Variants in SLC39A13 observed in about 807,000 individuals in gnomAD.
SLC39A13 encodes the protein solute carrier family 39 member 13.
In SLC39A13, 18 loss-of-function variants were observed where a neutral mutation model predicts 38.7. That is an observed-to-expected ratio of 0.47 (90% CI 0.32 to 0.69). The LOEUF is 0.69. SLC39A13 is among the 30% of genes least tolerant of loss of function. The pLI, the probability that SLC39A13 is intolerant of heterozygous loss-of-function variation, is 0.03. For missense variants in SLC39A13, 395 were observed against 490.7 expected, an observed-to-expected ratio of 0.80 and a Z score of 1.84; for synonymous variants, 212 against 219.1, an observed-to-expected ratio of 0.97 and a Z score of 0.29.
In SLC39A13 at chr11:47,415,860, C is replaced by T. The variant is rs930264281; in HGVS notation, c.*497C>T. 1 of 238,022 alleles carries T rather than the reference C, an allele frequency of 4.2e-6. No homozygotes were observed. The allele number at this position is 238,022 out of a possible 1,614,324, so 14.7% of individuals were successfully genotyped here. On this transcript the variant is annotated 3_prime_UTR_variant, in exon 10 of 10. Transcript: ENST00000362021. ...TGGTCCCTTTTCCTGGCCCTTCCTT[C>T]CCCACTTCTAAGCCAAAGAAAGGAG...
chr11:47,409,213 G>A (rs945308889), intron 1 of SLC39A13: 3 of 152,330 alleles, frequency 2.0e-5, no homozygotes, highest in African/African-American at 7.2e-5. Flanking sequence ...CGAGTTTCCA[G>A]ATGGAACTTC....
At chr11:47,414,170 C>T (rs1419493452) in intron 6 of SLC39A13, 4 of 611,658 alleles carry the variant, frequency 6.5e-6, no homozygotes, top group African/African-American at 1.8e-5. Flanking sequence ...TGGGCCTGCT[C>T]CCCTGGGCAC....
intron 2 of SLC39A13, 134 bp from the exon 3 acceptor site, chr11:47,411,791 TG>T: frequency 3.7e-6 from 3 of 800,304 alleles, no homozygotes; most frequent in Non-Finnish European, 6.3e-6. Context: ...TGCTGTGAGG[TG>T]GGGGACCCAG....
At chr11:47,410,057 C>T (rs761272372) in intron 1 of SLC39A13, 30 bp from the exon 2 acceptor site, 1 of 1,611,004 alleles carries the variant, frequency 6.2e-7, no homozygotes, top group Non-Finnish European at 8.5e-7. Flanking sequence ...AAGGCTGTAG[C>T]TCATATAGGT....
intron 2 of SLC39A13, among the ~76,000 whole-genome samples, chr11:47,411,362 T>G (rs1208662089): frequency 1.3e-5 from 2 of 152,194 alleles, no homozygotes; most frequent in Non-Finnish European, 2.9e-5. Flanking sequence ...CTCAGCAGTT[T>G]GGGAGGCTGA....
In SLC39A13 at chr11:47,413,609, C is replaced by T. The variant is rs757057859; in HGVS notation, c.658C>T (p.Leu220Phe). The T allele has an allele frequency of 1.2e-6, 2 of 1,614,232 alleles. No individual in the cohort carries two copies. Among genetic ancestry groups the T allele is most frequent in the Non-Finnish European group, 1.7e-6 (2 of 1,180,036 alleles). ...CCCTCCTTCCCAGGTCAGCGGCTAC[C>T]TCAACCTGCTGGCCAACACCATCGA... ...VVRSIKVSGY[L>F]NLLANTIDNF... The change falls in exon 6 of 10, where the codon CTC (leucine) becomes TTC (phenylalanine). Residue 220 changes from leucine (L) to phenylalanine (F), a missense_variant. Transcript: ENST00000362021.
intron 4 of SLC39A13, 46 bp downstream of exon 4, chr11:47,412,513 T>C: frequency 6.2e-7 from 1 of 1,613,044 alleles, no homozygotes; most frequent in Non-Finnish European, 8.5e-7. Flanking sequence ...CTCTGTTCTG[T>C]GGTAGTGCCC....
At position 47,414,962 on chromosome 11, in the gene SLC39A13, C is replaced by A; in HGVS notation, c.919+53C>A. 3 of 1,605,544 alleles carry A rather than the reference C, an allele frequency of 1.9e-6. No individual in the cohort carries two copies. The East Asian group carries it at 6.7e-5, about 36-fold the overall frequency. The stretch of plus-strand genomic sequence containing the variant: ...GGTGGCATCAGCAGAGGGGCACCAG[C>A]CAAAGGGTGTGGCTACCGCACTGCT... On this transcript the variant is annotated intron_variant, in intron 8 of 9. Transcript: ENST00000362021.
chr11:47,413,353 A>G, intron 4 of SLC39A13, 47 bp from the exon 5 acceptor site: 1 of 1,576,232 alleles, frequency 6.3e-7, no homozygotes, highest in Non-Finnish European at 8.7e-7. Context: ...GCCCTGGCTG[A>G]GTGGGGGGCA....
At position 47,412,129 on chromosome 11, in the gene SLC39A13, G is replaced by A. The variant is rs1011409074; in HGVS notation, c.415+90G>A. On this transcript the variant is annotated intron_variant, in intron 3 of 9. Coordinates refer to ENST00000362021, the MANE Select transcript of SLC39A13 (RefSeq NM_001128225.3). ...GGGATGGCCAGGATGACCAGGAGAG[G>A]GATTCTGGGTTTCTGGCAGGAGCTT... The A allele has an allele frequency of 5.6e-6, 8 of 1,424,020 alleles. No homozygotes were observed. The African/African-American group carries it at 1.1e-4, about 20-fold the overall frequency. 88.2% of individuals were successfully genotyped at this position (1,424,020 alleles called of 1,614,324 possible). A position where few individuals can be genotyped will look rare whatever the true frequency, so the allele number is the denominator to read the frequency against.
rs914512778 is a variant in SLC39A13, at chr11:47,412,421, C to T, written c.491C>T (p.Ala164Val). 40 of 1,614,088 alleles carry T rather than the reference C, an allele frequency of 2.5e-5. No individual in the cohort carries two copies. In the Middle Eastern group the frequency reaches 4.9e-4, roughly 20 times the overall value. ...WVIAGILTFL[A>V]LEKMFLDSKE... ...ATTGCTGGCATCCTGACCTTCCTGG[C>T]GTTGGAGAAGATGTTCCTGGACAGC... The change falls in exon 4 of 10, where the codon GCG (alanine) becomes GTG (valine). Residue 164 changes from alanine (A) to valine (V), a missense_variant. Transcript: ENST00000362021.
In SLC39A13 at chr11:47,416,384, CAGA is replaced by C. The variant is rs1397841215; in HGVS notation, c.*1024_*1026del. The C allele has an allele frequency of 6.6e-6, 1 of 152,576 alleles. No homozygotes were observed. The highest frequency in any genetic ancestry group is 2.4e-5 in the African/African-American group (1 of 41,460). 9.5% of individuals were successfully genotyped at this position (152,576 alleles called of 1,614,324 possible). On this transcript the variant is annotated 3_prime_UTR_variant, in exon 10 of 10. Transcript: ENST00000362021. ...CCCTGCCCTTCACCGTGGATGTTTT[CAGA>C]AGTGGCCATCGAGAGGTCTGGATGG...
Position 47,415,097 on chromosome 11 carries a change from C to A in SLC39A13, c.978C>A (p.Gly326=). 1.2e-6 allele frequency: 2 copies of A among 1,612,930 alleles called. No homozygotes were observed. The highest frequency in any genetic ancestry group is 1.1e-5 in the South Asian group (1 of 90,916). Reference sequence around the variant, plus strand: ...CCTGGGTCCTGCCCTTCACCTCTGGCGGCTTTCTCTACATCGCCTTGGTGA... The same window carrying A: ...CCTGGGTCCTGCCCTTCACCTCTGGAGGCTTTCTCTACATCGCCTTGGTGA... ...TAAWVLPFTS[G]GFLYIALVNV... Residue 326 remains glycine (G), a synonymous_variant, in exon 9 of 10, where the codon GGC becomes GGA. Coordinates refer to ENST00000362021, the MANE Select transcript of SLC39A13 (RefSeq NM_001128225.3).
chr11:47,409,946 T>C, intron 1 of SLC39A13, 141 bp from the exon 2 acceptor site: 1 of 933,622 alleles, frequency 1.1e-6, no homozygotes, highest in Admixed American at 2.1e-5. Flanking sequence ...CACCCAGCAT[T>C]TGGATGCTCA....
At chr11:47,414,995 A>G in intron 8 of SLC39A13, 44 bp from the exon 9 acceptor site, 1 of 1,610,482 alleles carries the variant, frequency 6.2e-7, no homozygotes, top group Non-Finnish European at 8.5e-7. Flanking sequence ...GCTGGTCCCC[A>G]GGCCCGGGAG....
intron 1 of SLC39A13, among the ~76,000 whole-genome samples, chr11:47,409,438 G>A (rs1595876176): frequency 6.6e-6 from 1 of 152,202 alleles, no homozygotes; most frequent in Non-Finnish European, 1.5e-5. Context: ...CTCAGAGGGG[G>A]GGCTTCAGAG....
At position 47,410,475 on chromosome 11, in the gene SLC39A13, C is replaced by T. The variant is rs2095993289; in HGVS notation, c.301+80C>T. 6 of 1,540,458 alleles carry T rather than the reference C, an allele frequency of 3.9e-6. No individual in the cohort carries two copies. In the East Asian group the frequency reaches 1.4e-4, roughly 35 times the overall value. On this transcript the variant is annotated intron_variant, in intron 2 of 9. Transcript: ENST00000362021. The stretch of plus-strand genomic sequence containing the variant: ...CTGCTCTTCTTAGGAGACCCCAGGT[C>T]ACAGAGTGTCTGAGATGGAGGGAGA...
intron 1 of SLC39A13, chr11:47,409,525 G>C (rs549882777): frequency 2.0e-4 from 32 of 163,104 alleles, no homozygotes; most frequent in Admixed American, 4.1e-4. Flanking sequence ...CTATACAAGA[G>C]AGAGGCATCC....
In SLC39A13 at chr11:47,415,291, C is replaced by T; in HGVS notation, c.1044C>T (p.Arg348=). The T allele has an allele frequency of 6.2e-7, 1 of 1,614,024 alleles. No homozygotes were observed. Among genetic ancestry groups the T allele is most frequent in the Non-Finnish European group, 8.5e-7 (1 of 1,180,008 alleles). The change falls in exon 10 of 10, where the codon CGC becomes CGT. Residue 348 remains arginine (R), a synonymous_variant. Coordinates refer to ENST00000362021, the MANE Select transcript of SLC39A13 (RefSeq NM_001128225.3). ...PDLLEEEDPW[R]SLQQLLLLCA... The stretch of plus-strand genomic sequence containing the variant: ...GTGAGCCGTTCCCTCCCCACAGGCG[C>T]TCCCTGCAGCAGCTGCTTCTGCTCT...
Sources: allele counts gnomAD v4.1 joint callset (sites outside exome capture counted in the v4.1 genomes callset), GRCh38; gene constraint gnomAD v4.1.1; transcripts MANE v1.5; gene names NCBI Gene and HGNC (gene_info 2026-07-23, HGNC 2026-07-21).